TESC: variants seen among roughly 807,000 people sequenced by gnomAD.
TESC encodes the protein calcineurin B homologous protein 3.
TESC carries 19 observed loss-of-function variants against 31.0 expected under a neutral mutation model. The ratio of observed to expected loss-of-function variants is 0.61; its 90% confidence interval spans 0.43 to 0.90. The LOEUF is 0.90. Among genes scored for constraint, TESC ranks in the 40% least tolerant of loss-of-function variants. The pLI is 0.00. For synonymous variants in TESC, 109 were observed against 114.8 expected (o/e 0.95, Z 0.32); for missense variants, 248 against 303.8 (o/e 0.82, Z 1.36).
chr12:117,070,443 C>T (rs1039644978), intron 2 of TESC, among the ~76,000 whole-genome samples: 6 of 152,134 alleles, frequency 3.9e-5, no homozygotes, highest in Non-Finnish European at 5.9e-5. Context: ...GGGGCTGTCA[C>T]TATGTGCAGC....
chr12:117,041,950 C>T lies in TESC; in HGVS notation c.564G>A (p.Leu188=), dbSNP rs1179805151. ...CTCCCACGCCCAGGCCACCCACCTT[C>T]AGGAAGTCCTCGAAGGTGATCCCCT... The part of the protein sequence containing the change: ...VYEGITFEDF[L]KIWQGIDIET... Residue 188 remains leucine, a synonymous_variant, in exon 7 of 8, where the codon CTG becomes CTA. Coordinates refer to ENST00000335209, the MANE Select transcript of TESC (RefSeq NM_017899.4). 1.3e-6 allele frequency: 2 copies of T among 1,589,050 alleles called. No homozygotes were observed. Among genetic ancestry groups the T allele is most frequent in the Non-Finnish European group, 1.7e-6 (2 of 1,167,178 alleles).
At chr12:117,081,415 A>G (rs1955146020) in intron 1 of TESC, among the ~76,000 whole-genome samples, 1 of 152,208 alleles carries the variant, frequency 6.6e-6, no homozygotes, top group South Asian at 2.1e-4. Context: ...TTAGAATTAT[A>G]TTACATAATG....
At chr12:117,050,750 G>C (rs1277635863) in intron 3 of TESC, among the ~76,000 whole-genome samples, 1 of 152,212 alleles carries the variant, frequency 6.6e-6, no homozygotes, top group Non-Finnish European at 1.5e-5. Context: ...CTGGGCAACA[G>C]GGAGAAACCC....
At chr12:117,042,174 G>A (rs984385216) in intron 6 of TESC, among the ~76,000 whole-genome samples, 180 bp from the exon 7 acceptor site, 9 of 152,186 alleles carry the variant, frequency 5.9e-5, no homozygotes, top group African/African-American at 1.4e-4. Flanking sequence ...GCATGGAGCC[G>A]GTCACCCTGA....
In TESC at chr12:117,080,235, A is replaced by G. The variant is rs550887842; in HGVS notation, c.59-4895T>C. On this transcript the variant is annotated intron_variant, in intron 1 of 7. Coordinates refer to ENST00000335209, the MANE Select transcript of TESC (RefSeq NM_017899.4). ...TGTAATCCAGCACTTCGGGAGGCTG[A>G]GGTAGGTGGATCACTTGAGGCCAGG... Among the ~76,000 whole-genome samples, 6 of 152,278 alleles carry G rather than the reference A, an allele frequency of 3.9e-5. No homozygotes were observed. The East Asian group carries it at 1.2e-3, about 29-fold the overall frequency.
At position 117,049,171 on chromosome 12, in the gene TESC, CAAG is replaced by C; in HGVS notation, c.210-16_210-14del. 2 of 1,614,038 alleles carry C rather than the reference CAAG, an allele frequency of 1.2e-6. No individual in the cohort carries two copies. The highest frequency in any genetic ancestry group is 1.7e-6 in the Non-Finnish European group (2 of 1,179,922). ...CTTGCGCAGGTTCCTACGGGAGCAA[CAAG>C]GAGGGTGTTGGAAATAAATGAAGAA... is the stretch of plus-strand genomic sequence containing the variant. On this transcript the variant is annotated splice_polypyrimidine_tract_variant and intron_variant, in intron 3 of 7. Coordinates refer to ENST00000335209, the MANE Select transcript of TESC (RefSeq NM_017899.4).
intron 1 of TESC, among the ~76,000 whole-genome samples, chr12:117,082,606 AT>A (rs1390421818): frequency 6.6e-6 from 1 of 152,098 alleles, no homozygotes; most frequent in Non-Finnish European, 1.5e-5. Flanking sequence ...CTTTATAAAT[AT>A]TTTTTGAATA....
At chr12:117,077,508 T>C (rs1016739486) in intron 1 of TESC, among the ~76,000 whole-genome samples, 1 of 152,178 alleles carries the variant, frequency 6.6e-6, no homozygotes, top group African/African-American at 2.4e-5. Context: ...CGTCCTAAAC[T>C]GGAAACTACC....
chr12:117,057,248 G>A (rs1019812848), intron 2 of TESC, among the ~76,000 whole-genome samples: 9 of 152,224 alleles, frequency 5.9e-5, no homozygotes, highest in African/African-American at 1.7e-4. Flanking sequence ...ACAGATGCAC[G>A]CCGCCATGCT....
Position 117,099,299 on chromosome 12 carries a change from G to C in TESC, c.-17C>G. 1 of 1,425,778 alleles carries C rather than the reference G, an allele frequency of 7.0e-7. No homozygotes were observed. The highest frequency in any genetic ancestry group is 9.1e-7 in the Non-Finnish European group (1 of 1,095,492). The allele number at this position is 1,425,778 out of a possible 1,614,324, so 88.3% of individuals were successfully genotyped here. A position where few individuals can be genotyped will look rare whatever the true frequency, so the allele number is the denominator to read the frequency against. On this transcript the variant is annotated 5_prime_UTR_variant, in exon 1 of 8. Coordinates refer to ENST00000335209, the MANE Select transcript of TESC (RefSeq NM_017899.4). The stretch of plus-strand genomic sequence containing the variant: ...AGCGCCCATGGTGCCCGCGGCGGGG[G>C]CCCCGGGGCGCGCGTCCCTCTCAGG...
At chr12:117,089,268 T>C (rs1051361724) in intron 1 of TESC, among the ~76,000 whole-genome samples, 1 of 152,154 alleles carries the variant, frequency 6.6e-6, no homozygotes, top group African/African-American at 2.4e-5. Context: ...GGTGAAAAGC[T>C]TGAGACACCT....
Position 117,049,086 on chromosome 12 carries a change from G to A in TESC, c.282C>T (p.Tyr94=), listed in dbSNP as rs370277198. The A allele has an allele frequency of 7.7e-5, 124 of 1,614,156 alleles. No homozygotes were observed. Among genetic ancestry groups the A allele is most frequent in the Middle Eastern group, 6.6e-4 (4 of 6,084 alleles). ...CCATGGTGGTGTCGATGGGCCGGAA[G>A]TAGGACATGATGGTCAGGAAGTCCT... ...NFEDFLTIMS[Y]FRPIDTTMDE... is the part of the protein sequence containing the mutation. Residue 94 remains tyrosine, a synonymous_variant, in exon 4 of 8, where the codon TAC becomes TAT. Transcript: ENST00000335209.
At chr12:117,077,418 C>T (rs1313160401) in intron 1 of TESC, among the ~76,000 whole-genome samples, 2 of 152,328 alleles carry the variant, frequency 1.3e-5, no homozygotes, top group East Asian at 3.9e-4. Flanking sequence ...CAATTGCACT[C>T]CTAGGTATAT....
At chr12:117,060,442 G>A (rs1471653059) in intron 2 of TESC, among the ~76,000 whole-genome samples, 1 of 152,138 alleles carries the variant, frequency 6.6e-6, no homozygotes, top group Non-Finnish European at 1.5e-5. Flanking sequence ...GAGACAGCTC[G>A]ATGCCTTGCC....
chr12:117,075,175 A>G, intron 2 of TESC, 96 bp downstream of exon 2: 2 of 1,258,148 alleles, frequency 1.6e-6, no homozygotes, highest in South Asian at 2.7e-5. Context: ...AAAGAAAACA[A>G]CTACCCCCGC....
At chr12:117,055,620 T>C (rs1281398250) in intron 3 of TESC, among the ~76,000 whole-genome samples, 1 of 152,308 alleles carries the variant, frequency 6.6e-6, no homozygotes, top group East Asian at 1.9e-4. Flanking sequence ...GAGATTCAGT[T>C]ACAAAAAGAT....
chr12:117,045,828 C>T (rs142390657), intron 6 of TESC, among the ~76,000 whole-genome samples: 136 of 152,338 alleles, frequency 8.9e-4, no homozygotes, highest in African/African-American at 3.0e-3. Flanking sequence ...AGGGAACACA[C>T]GACACCCAGG....
intron 3 of TESC, 97 bp downstream of exon 3, chr12:117,056,709 C>T: frequency 1.5e-6 from 2 of 1,350,982 alleles, no homozygotes; most frequent in Non-Finnish European, 2.1e-6. Context: ...CTCTTCTGGG[C>T]ATCAGCTCAA....
Position 117,041,970 on chromosome 12 carries a change from T to C in TESC, c.544A>G (p.Ile182Val), listed in dbSNP as rs1366777444. Residue 182 changes from isoleucine (I) to valine (V), a missense_variant, in exon 7 of 8, where the codon ATC becomes GTC. Coordinates refer to ENST00000335209, the MANE Select transcript of TESC (RefSeq NM_017899.4). ...ACCTTCAGGAAGTCCTCGAAGGTGA[T>C]CCCCTCGTACACCTGATCAGGCTCC... ...QMEPDQVYEG[I>V]TFEDFLKIWQ... The C allele has an allele frequency of 6.3e-7, 1 of 1,594,520 alleles. No individual in the cohort carries two copies. Among genetic ancestry groups the C allele is most frequent in the Non-Finnish European group, 8.5e-7 (1 of 1,170,164 alleles).
Sources: gnomAD v4.1 joint callset for allele counts (sites outside exome capture counted in the v4.1 genomes callset) on GRCh38, gnomAD v4.1.1 for gene constraint, MANE v1.5 for transcripts, NCBI Gene and HGNC (gene_info 2026-07-23, HGNC 2026-07-21) for gene names.